FRAS1: variants seen among roughly 807,000 people sequenced by gnomAD.
FRAS1 encodes Fraser extracellular matrix complex subunit 1, also known as extracellular matrix organizing protein FRAS1.
A neutral mutation model predicts 435.2 loss-of-function variants in FRAS1; 290 were observed. That is an observed-to-expected ratio of 0.67 (90% CI 0.61 to 0.73). The LOEUF is 0.73. FRAS1 is among the 30% of genes least tolerant of loss of function. The pLI is 0.00. For missense variants in FRAS1, 4,860 were observed against 5,001.5 expected, an observed-to-expected ratio of 0.97 and a Z score of 0.85; for synonymous variants, 1,800 against 1,851.0, an observed-to-expected ratio of 0.97 and a Z score of 0.71.
intron 2 of FRAS1, among the ~76,000 whole-genome samples, chr4:78,165,612 A>C (rs1560559066): frequency 6.6e-6 from 1 of 152,174 alleles, no homozygotes; most frequent in Non-Finnish European, 1.5e-5. Flanking sequence ...ATTACTCTGG[A>C]GGCATCTATG....
chr4:78,476,148 A>C (rs762068470), intron 54 of FRAS1, among the ~76,000 whole-genome samples: 5 of 152,226 alleles, frequency 3.3e-5, no homozygotes, highest in African/African-American at 4.8e-5. Flanking sequence ...TCTTGCTAGG[A>C]AGGGACATAT....
At chr4:78,319,240 C>T (rs1210830752) in intron 18 of FRAS1, 1 of 532,842 alleles carries the variant, frequency 1.9e-6, no homozygotes, top group East Asian at 3.8e-5. Context: ...CGCAGGAGTC[C>T]CAGACAGAAA....
chr4:78,303,232 C>T (rs1454201541), intron 14 of FRAS1, among the ~76,000 whole-genome samples: 1 of 151,986 alleles, frequency 6.6e-6, no homozygotes, highest in Admixed American at 6.5e-5. Flanking sequence ...TGTTTTGGTA[C>T]CAGTACCATG....
At chr4:78,370,088 T>G in intron 23 of FRAS1, 104 bp downstream of exon 23, 5 of 1,076,524 alleles carry the variant, frequency 4.6e-6, no homozygotes, top group Non-Finnish European at 6.7e-6. Context: ...CATCATATAT[T>G]TTGACTGTCT....
intron 42 of FRAS1, chr4:78,446,519 C>T: frequency 7.4e-7 from 1 of 1,353,258 alleles, no homozygotes; most frequent in African/African-American, 1.5e-5. Flanking sequence ...TATGAAATGT[C>T]CATCAGCTTC....
intron 3 of FRAS1, among the ~76,000 whole-genome samples, chr4:78,241,283 T>G (rs1712673488): frequency 6.6e-6 from 1 of 152,208 alleles, no homozygotes; most frequent in African/African-American, 2.4e-5. Flanking sequence ...ACCCCTTGAC[T>G]AGACTGCAAT....
intron 29 of FRAS1, among the ~76,000 whole-genome samples, chr4:78,393,621 T>A (rs1732538301): frequency 1.3e-5 from 2 of 152,102 alleles, no homozygotes; most frequent in Admixed American, 1.3e-4. Context: ...TTCCTTCACT[T>A]TTAAGGCTGA....
At chr4:78,081,870 T>C (rs1740912675) in intron 2 of FRAS1, among the ~76,000 whole-genome samples, 1 of 152,064 alleles carries the variant, frequency 6.6e-6, no homozygotes. Context: ...TTTGGCATTC[T>C]CCTTCCTTAC....
chr4:78,298,064 C>A (rs900340304), intron 14 of FRAS1, among the ~76,000 whole-genome samples: 2 of 125,002 alleles, frequency 1.6e-5, no homozygotes, highest in African/African-American at 5.4e-5. Context: ...TACTAATCCT[C>A]TTTATATATA....
intron 1 of FRAS1, among the ~76,000 whole-genome samples, chr4:78,058,981 C>A (rs1003423275): frequency 6.6e-6 from 1 of 152,216 alleles, no homozygotes; most frequent in South Asian, 2.1e-4. Context: ...GGAAGGGAGC[C>A]GGCGGGCTGG....
chr4:78,182,898 A>AAG (rs1560568042), intron 2 of FRAS1, among the ~76,000 whole-genome samples: 4 of 54,468 alleles, frequency 7.3e-5, no homozygotes, highest in Admixed American at 5.4e-4. Flanking sequence ...GAAAAAAAGA[A>AAG]AAAAAAAAAT....
At chr4:78,105,721 T>TGAAATGTAAG (rs1742377689) in intron 2 of FRAS1, among the ~76,000 whole-genome samples, 3 of 151,892 alleles carry the variant, frequency 2.0e-5, no homozygotes, top group African/African-American at 7.3e-5. Context: ...GAATAAATTG[T>TGAAATGTAAG]GAAATGTAAG....
chr4:78,544,011 T>A lies in FRAS1; in HGVS notation c.*2887T>A, dbSNP rs1303316505. 6.6e-6 allele frequency: 1 copy of A among 152,654 alleles called. No homozygotes were observed. Among genetic ancestry groups the A allele is most frequent in the African/African-American group, 2.4e-5 (1 of 41,444 alleles). 9.5% of individuals were successfully genotyped at this position (152,654 alleles called of 1,614,324 possible). ...AGAGGACTCCTGCAGATTCTATTGTTGGGTGGGAAATAGTGTTGGAATGTG... is the reference window on the plus strand; with the variant it reads ...AGAGGACTCCTGCAGATTCTATTGTAGGGTGGGAAATAGTGTTGGAATGTG... On this transcript the variant is annotated 3_prime_UTR_variant, in exon 74 of 74. Transcript: ENST00000512123.
At position 78,317,478 on chromosome 4, in the gene FRAS1, G is replaced by T; in HGVS notation, c.1930G>T (p.Gly644Cys). The change falls in exon 17 of 74, where the codon GGT (glycine) becomes TGT (cysteine). Residue 644 changes from glycine to cysteine, a missense_variant. Transcript: ENST00000512123. The part of the protein sequence containing the change: ...QGHCLPRCGE[G>C]FYSDHGVCKA... ...CCACTGTCTGCCCCGCTGTGGAGAG[G>T]GTTTCTACTCTGACCATGGAGTCTG... The T allele has an allele frequency of 6.2e-7, 1 of 1,613,680 alleles. No individual in the cohort carries two copies. The highest frequency in any genetic ancestry group is 8.5e-7 in the Non-Finnish European group (1 of 1,179,786).
chr4:78,463,622 T>C (rs1437446279), intron 47 of FRAS1, among the ~76,000 whole-genome samples: 1 of 152,200 alleles, frequency 6.6e-6, no homozygotes, highest in Admixed American at 6.5e-5. Context: ...TTATGCAATA[T>C]TTAAAATGAG....
At position 78,448,112 on chromosome 4, in the gene FRAS1, C is replaced by G. The variant is rs892787414; in HGVS notation, c.6070C>G (p.Gln2024Glu). 1 of 1,613,244 alleles carries G rather than the reference C, an allele frequency of 6.2e-7. No homozygotes were observed. The highest frequency in any genetic ancestry group is 1.3e-5 in the African/African-American group (1 of 74,884). Residue 2024 changes from glutamine to glutamate, a missense_variant, in exon 44 of 74, where the codon CAG (glutamine) becomes GAG (glutamate). Transcript: ENST00000512123. ...TCTGGAGAATGGGAGAGTTTTAGTCCAGGGCTCAACCTTCACCTACCAGGA... is the reference window on the plus strand; with the variant it reads ...TCTGGAGAATGGGAGAGTTTTAGTCGAGGGCTCAACCTTCACCTACCAGGA... The part of the protein sequence containing the change: ...EPLENGRVLV[Q>E]GSTFTYQDIL...
rs1462063635 is a variant in FRAS1 at position 78,543,001 on chromosome 4, G to A, written c.*1877G>A. On this transcript the variant is annotated 3_prime_UTR_variant, in exon 74 of 74. Transcript: ENST00000512123. Reference sequence around the variant, plus strand: ...TATCATCAGCAGGAGATGAGACTATGAATTGGCATCCAGAACAGGAGATTT... The same window carrying A: ...TATCATCAGCAGGAGATGAGACTATAAATTGGCATCCAGAACAGGAGATTT... The A allele has an allele frequency of 6.6e-6, 1 of 152,236 alleles. No individual in the cohort carries two copies. Among genetic ancestry groups the A allele is most frequent in the African/African-American group, 2.4e-5 (1 of 41,462 alleles). 9.4% of individuals were successfully genotyped at this position (152,236 alleles called of 1,614,324 possible).
chr4:78,393,782 G>A (rs1024478440), intron 29 of FRAS1, among the ~76,000 whole-genome samples: 1 of 152,228 alleles, frequency 6.6e-6, no homozygotes. Flanking sequence ...ATATCCAGAA[G>A]TGTGATTGCT....
At chr4:78,080,757 A>C (rs535478487) in intron 2 of FRAS1, among the ~76,000 whole-genome samples, 1 of 152,172 alleles carries the variant, frequency 6.6e-6, no homozygotes, top group Non-Finnish European at 1.5e-5. Context: ...ATTCCTTTAT[A>C]GTTTTGGAAT....
Sources: gnomAD v4.1 joint callset for allele counts (sites outside exome capture counted in the v4.1 genomes callset) on GRCh38, gnomAD v4.1.1 for gene constraint, MANE v1.5 for transcripts, NCBI Gene and HGNC (gene_info 2026-07-23, HGNC 2026-07-21) for gene names.